FGGY: variants seen among roughly 807,000 people sequenced by gnomAD.
FGGY encodes FGGY carbohydrate kinase domain-containing protein.
A neutral mutation model predicts 71.3 loss-of-function variants in FGGY; 72 were observed. The observed-to-expected ratio is 1.01, with a 90% confidence interval of 0.84 to 1.23. The LOEUF is 1.23. Among genes scored for constraint, FGGY ranks in the 50% most tolerant of loss-of-function variants. The pLI is 0.00. For missense variants in FGGY, 668 were observed against 682.3 expected, an observed-to-expected ratio of 0.98 and a Z score of 0.23; for synonymous variants, 251 against 250.3, an observed-to-expected ratio of 1.00 and a Z score of -0.02.
chr1:59,659,616 T>C (rs909498243), intron 11 of FGGY, among the ~76,000 whole-genome samples: 2 of 152,220 alleles, frequency 1.3e-5, no homozygotes, highest in Admixed American at 6.5e-5. Flanking sequence ...CCTGATGGCA[T>C]ACAAATCCGG....
chr1:59,359,550 G>A (rs758971212), intron 4 of FGGY, among the ~76,000 whole-genome samples: 4 of 152,078 alleles, frequency 2.6e-5, no homozygotes, highest in Non-Finnish European at 5.9e-5. Context: ...ACTAAATGAT[G>A]GAATGAGTTC....
intron 5 of FGGY, among the ~76,000 whole-genome samples, chr1:59,453,227 C>G (rs1316475291): frequency 6.6e-6 from 1 of 152,104 alleles, no homozygotes; most frequent in Non-Finnish European, 1.5e-5. Context: ...TTTGAATAAT[C>G]CCAATGAAGG....
chr1:59,712,376 GTGGATCTACCATTC>G (rs779785807), intron 14 of FGGY, among the ~76,000 whole-genome samples: 12 of 152,186 alleles, frequency 7.9e-5, no homozygotes, highest in Non-Finnish European at 1.6e-4. Context: ...CAAGCCATCA[GTGGATCTACCATTC>G]TGGAATCTGG....
chr1:59,744,377 C>T (rs925335742), intron 14 of FGGY, among the ~76,000 whole-genome samples: 2 of 152,222 alleles, frequency 1.3e-5, no homozygotes, highest in Non-Finnish European at 2.9e-5. Context: ...CCTGCCACCA[C>T]ACCCAGCTAA....
At chr1:59,578,298 A>C (rs375810754) in intron 8 of FGGY, among the ~76,000 whole-genome samples, 3 of 152,106 alleles carry the variant, frequency 2.0e-5, no homozygotes, top group African/African-American at 7.2e-5. Flanking sequence ...TGGGCAGACC[A>C]CTGGACGGAG....
intron 1 of FGGY, among the ~76,000 whole-genome samples, chr1:59,315,959 A>G (rs985983536): frequency 6.6e-6 from 1 of 152,202 alleles, no homozygotes; most frequent in Non-Finnish European, 1.5e-5. Context: ...TTTTCTTCCT[A>G]TTTATTGTTG....
At chr1:59,302,652 C>G (rs770677226) in intron 1 of FGGY, among the ~76,000 whole-genome samples, 12 of 151,844 alleles carry the variant, frequency 7.9e-5, no homozygotes, top group Non-Finnish European at 1.5e-4. Context: ...ACAACAGACA[C>G]TGAGATCTAC....
Position 59,709,472 on chromosome 1 carries a change from A to G in FGGY, c.1512+35339A>G, listed in dbSNP as rs540570689. On this transcript the variant is annotated intron_variant, in intron 14 of 15. Coordinates refer to ENST00000303721, the MANE Select transcript of FGGY (RefSeq NM_018291.5). Reference sequence around the variant, plus strand: ...GACACAGAATGAAACTATATCACACACACACACACACACACACACACACAC... The same window carrying G: ...GACACAGAATGAAACTATATCACACGCACACACACACACACACACACACAC... Among the ~76,000 whole-genome samples, 130 of 151,144 alleles carry G rather than the reference A, an allele frequency of 8.6e-4. 4 individuals are homozygous for G. In the South Asian group the frequency reaches 0.026, roughly 30 times the overall value.
intron 2 of FGGY, among the ~76,000 whole-genome samples, chr1:59,325,802 A>G (rs2153148461): frequency 6.6e-6 from 1 of 152,346 alleles, no homozygotes; most frequent in East Asian, 1.9e-4. Flanking sequence ...ATATGAGGAA[A>G]TTGAGGCTCT....
intron 7 of FGGY, among the ~76,000 whole-genome samples, chr1:59,531,368 T>G (rs1456203043): frequency 6.6e-6 from 1 of 152,260 alleles, no homozygotes; most frequent in Non-Finnish European, 1.5e-5. Flanking sequence ...ATTCATTAAT[T>G]TATTCACTTG....
intron 11 of FGGY, among the ~76,000 whole-genome samples, chr1:59,656,866 C>A (rs2097222847): frequency 6.6e-6 from 1 of 152,176 alleles, no homozygotes; most frequent in Non-Finnish European, 1.5e-5. Context: ...TAGCTGCTAG[C>A]AAGCTCAGGA....
chr1:59,379,719 A>G (rs1445196934), intron 5 of FGGY, among the ~76,000 whole-genome samples: 1 of 152,148 alleles, frequency 6.6e-6, no homozygotes, highest in Non-Finnish European at 1.5e-5. Flanking sequence ...ACTTTTTTGT[A>G]ATAACACTTA....
chr1:59,376,167 C>T (rs996887373), intron 4 of FGGY, among the ~76,000 whole-genome samples: 8 of 152,150 alleles, frequency 5.3e-5, no homozygotes, highest in African/African-American at 1.9e-4. Context: ...AGATCCTATA[C>T]AGAGATACTA....
intron 12 of FGGY, among the ~76,000 whole-genome samples, chr1:59,665,574 C>T (rs1485098578): frequency 6.6e-6 from 1 of 152,150 alleles, no homozygotes; most frequent in African/African-American, 2.4e-5. Context: ...GGGGTGACAG[C>T]TCCCCAGACA....
intron 14 of FGGY, among the ~76,000 whole-genome samples, chr1:59,716,399 A>C (rs955956173): frequency 4.6e-5 from 7 of 152,192 alleles, no homozygotes; most frequent in African/African-American, 1.7e-4. Context: ...ATCTCAGTCT[A>C]TCCAACAACT....
At chr1:59,674,795 A>G (rs534344333) in intron 14 of FGGY, among the ~76,000 whole-genome samples, 56 of 152,290 alleles carry the variant, frequency 3.7e-4, no homozygotes, top group Non-Finnish European at 6.5e-4. Context: ...CCTTGCACAC[A>G]TGGGGCTTTG....
intron 9 of FGGY, among the ~76,000 whole-genome samples, chr1:59,616,161 A>G (rs368139949): frequency 1.3e-5 from 2 of 152,252 alleles, no homozygotes; most frequent in South Asian, 4.1e-4. Context: ...ATTATAAATC[A>G]TGCTGCTATT....
At chr1:59,574,994 T>C (rs997471492) in intron 8 of FGGY, among the ~76,000 whole-genome samples, 1 of 152,158 alleles carries the variant, frequency 6.6e-6, no homozygotes, top group African/African-American at 2.4e-5. Flanking sequence ...TATTTCTTAC[T>C]GACAAATGCA....
intron 14 of FGGY, among the ~76,000 whole-genome samples, chr1:59,694,284 G>A (rs201884838): frequency 2.2e-5 from 3 of 138,980 alleles, no homozygotes; most frequent in Admixed American, 7.5e-5. Context: ...GCAAGACTCC[G>A]TCTTAAATAA....
Sources: allele counts gnomAD v4.1 joint callset (sites outside exome capture counted in the v4.1 genomes callset), GRCh38; gene constraint gnomAD v4.1.1; transcripts MANE v1.5; gene names NCBI Gene and HGNC (gene_info 2026-07-23, HGNC 2026-07-21).